PAPPA2: variants seen among roughly 807,000 people sequenced by gnomAD.
PAPPA2 encodes pappalysin-2.
PAPPA2 carries 86 observed loss-of-function variants against 176.4 expected under a neutral mutation model. The ratio of observed to expected loss-of-function variants is 0.49; its 90% CI spans 0.41 to 0.58. The LOEUF is 0.58. PAPPA2 is among the 20% of genes least tolerant of loss of function. The probability of loss-of-function intolerance (pLI) is 0.00; values close to 1 mark genes in which losing one functional copy is unlikely to be tolerated. For missense variants in PAPPA2, 2,073 were observed against 2,256.9 expected, an observed-to-expected ratio of 0.92 and a Z score of 1.65; for synonymous variants, 809 against 852.2, an observed-to-expected ratio of 0.95 and a Z score of 0.88.
intron 1 of PAPPA2, among the ~76,000 whole-genome samples, chr1:176,549,249 G>T (rs1345763362): frequency 6.6e-6 from 1 of 152,210 alleles, no homozygotes; most frequent in Non-Finnish European, 1.5e-5. Flanking sequence ...CTGCATATCA[G>T]TGTTTTTAAT....
intron 1 of PAPPA2, among the ~76,000 whole-genome samples, chr1:176,467,530 G>A (rs751888414): frequency 3.5e-4 from 54 of 152,180 alleles, no homozygotes; most frequent in Non-Finnish European, 5.4e-4. Context: ...TGGGTTCTGG[G>A]GCAAGGAAGA....
intron 19 of PAPPA2, among the ~76,000 whole-genome samples, chr1:176,792,626 G>T (rs1665231628): frequency 6.6e-6 from 1 of 152,092 alleles, no homozygotes; most frequent in South Asian, 2.1e-4. Flanking sequence ...ACTCGTCGGT[G>T]GGTGCAGCGC....
At chr1:176,678,443 A>G (rs1659416891) in intron 4 of PAPPA2, among the ~76,000 whole-genome samples, 2 of 150,460 alleles carry the variant, frequency 1.3e-5, no homozygotes, top group South Asian at 4.2e-4. Flanking sequence ...TTTTTTTTTT[A>G]AAGGAGCATG....
At chr1:176,831,447 C>T (rs1186626681) in intron 21 of PAPPA2, among the ~76,000 whole-genome samples, 2 of 152,186 alleles carry the variant, frequency 1.3e-5, no homozygotes, top group Non-Finnish European at 2.9e-5. Flanking sequence ...GCTTCAACTT[C>T]GAGTTGGTGT....
In PAPPA2 at chr1:176,690,290, C is replaced by A. The variant is rs754622079; in HGVS notation, c.2291C>A (p.Ser764Tyr). 1 of 1,614,128 alleles carries A rather than the reference C, an allele frequency of 6.2e-7. No individual in the cohort carries two copies. The highest frequency in any genetic ancestry group is 2.2e-5 in the East Asian group (1 of 44,868). Residue 764 changes from serine to tyrosine, a missense_variant, in exon 5 of 23, where the codon TCC (serine) becomes TAC (tyrosine). Ser to Tyr is a moderately radical substitution (Grantham distance 144, BLOSUM62 -2). This residue lies in a region of PAPPA2 where 1,196 missense variants were observed against 1,330.4 expected (regional missense o/e 0.90). Coordinates refer to ENST00000367662, the MANE Select transcript of PAPPA2 (RefSeq NM_020318.3). ...CNDPCKETVPSMETGDLCADT... is the reference protein window; with the variant it reads ...CNDPCKETVPYMETGDLCADT... ...GACCCCTGCAAGGAGACAGTGCCATCCATGGAAACGGGAGACCTCTGTGCC... is the reference window on the plus strand; with the variant it reads ...GACCCCTGCAAGGAGACAGTGCCATACATGGAAACGGGAGACCTCTGTGCC...
At chr1:176,690,692 A>G (rs2102805807) in intron 5 of PAPPA2, 1 of 1,260,770 alleles carries the variant, frequency 7.9e-7, no homozygotes, top group Non-Finnish European at 1.0e-6. Context: ...CGATAGTAAA[A>G]AAGGCACAGA....
At chr1:176,686,017 G>T (rs570206255) in intron 4 of PAPPA2, among the ~76,000 whole-genome samples, 1 of 152,158 alleles carries the variant, frequency 6.6e-6, no homozygotes. Context: ...ATGTGAGTAT[G>T]TGTGTCTGTG....
chr1:176,817,658 T>C (rs1286060946), intron 21 of PAPPA2, among the ~76,000 whole-genome samples: 1 of 151,386 alleles, frequency 6.6e-6, no homozygotes, highest in African/African-American at 2.4e-5. Flanking sequence ...TTCCATCCAA[T>C]GGAGGAAATG....
intron 3 of PAPPA2, among the ~76,000 whole-genome samples, chr1:176,605,276 G>A (rs1654544755): frequency 6.6e-6 from 1 of 152,290 alleles, no homozygotes; most frequent in African/African-American, 2.4e-5. Flanking sequence ...TTACAGATTA[G>A]GCAAGATCCT....
intron 1 of PAPPA2, among the ~76,000 whole-genome samples, chr1:176,513,956 AG>A (rs1483491618): frequency 6.6e-6 from 1 of 152,118 alleles, no homozygotes; most frequent in Non-Finnish European, 1.5e-5. Context: ...TGCACCACAA[AG>A]GGCTCTCATA....
chr1:176,613,016 G>A (rs1217128801), intron 3 of PAPPA2, among the ~76,000 whole-genome samples: 1 of 152,162 alleles, frequency 6.6e-6, no homozygotes. Flanking sequence ...CATGCAGGCA[G>A]AGATTAGAAA....
At chr1:176,651,033 G>A in intron 3 of PAPPA2, among the ~76,000 whole-genome samples, 1 of 151,648 alleles carries the variant, frequency 6.6e-6, no homozygotes, top group Non-Finnish European at 1.5e-5. Context: ...CATTTTAACT[G>A]TATGTTGTCT....
chr1:176,532,859 T>G (rs1649888277), intron 1 of PAPPA2, among the ~76,000 whole-genome samples: 1 of 152,160 alleles, frequency 6.6e-6, no homozygotes. Flanking sequence ...ATCAGTATAA[T>G]CACTCAATTC....
chr1:176,665,144 C>T (rs529470263), intron 3 of PAPPA2, among the ~76,000 whole-genome samples: 3 of 152,212 alleles, frequency 2.0e-5, no homozygotes, highest in South Asian at 2.1e-4. Context: ...ACTGAATATC[C>T]GCAGTCCACA....
chr1:176,786,855 A>G (rs888616798), intron 17 of PAPPA2, among the ~76,000 whole-genome samples: 5 of 152,240 alleles, frequency 3.3e-5, no homozygotes, highest in African/African-American at 9.6e-5. Flanking sequence ...GTTCTCACTT[A>G]TAAGTGGGAG....
At chr1:176,489,047 T>A (rs1418836115) in intron 1 of PAPPA2, among the ~76,000 whole-genome samples, 1 of 152,182 alleles carries the variant, frequency 6.6e-6, no homozygotes, top group Non-Finnish European at 1.5e-5. Flanking sequence ...AAACTGTGGA[T>A]CACCACCCAT....
In PAPPA2 at chr1:176,696,031, G is replaced by T. The variant is rs190881123; in HGVS notation, c.2746+172G>T. ...GTTTTGCTGGATATCTTTTGGAGCT[G>T]CCTGGTGCCGCTGTGTGCAGAATGT... is the stretch of plus-strand genomic sequence containing the variant. On this transcript the variant is annotated intron_variant, in intron 7 of 22. Transcript: ENST00000367662. Among the ~76,000 whole-genome samples, 572 of 151,238 alleles carry T rather than the reference G, an allele frequency of 3.8e-3. 7 individuals are homozygous for T. The highest frequency in any genetic ancestry group is 0.013 in the African/African-American group (542 of 41,170).
intron 1 of PAPPA2, among the ~76,000 whole-genome samples, chr1:176,469,654 C>T (rs1046333913): frequency 6.6e-6 from 1 of 152,234 alleles, no homozygotes; most frequent in African/African-American, 2.4e-5. Context: ...GCCTCAGTGA[C>T]TGCTTTTGAT....
At chr1:176,472,368 T>C (rs1156250984) in intron 1 of PAPPA2, among the ~76,000 whole-genome samples, 2 of 152,206 alleles carry the variant, frequency 1.3e-5, no homozygotes, top group South Asian at 2.1e-4. Context: ...GCTCAATTTG[T>C]CCCATCTTTG....
Sources: allele counts gnomAD v4.1 joint callset (sites outside exome capture counted in the v4.1 genomes callset), GRCh38; gene constraint gnomAD v4.1.1; regional missense constraint gnomAD v4.1.1; transcripts MANE v1.5; gene names NCBI Gene and HGNC (gene_info 2026-07-23, HGNC 2026-07-21).